The following PALLD variants were observed in gnomAD, a reference collection of about 807,000 sequenced individuals.
The protein encoded by PALLD is palladin.
In PALLD, 61 loss-of-function variants were observed where a neutral mutation model predicts 123.5. The observed-to-expected ratio is 0.49, with a 90% confidence interval of 0.40 to 0.61. PALLD has a LOEUF of 0.61. Among genes scored for constraint, PALLD ranks in the 20% least tolerant of loss-of-function variants. The pLI is 0.00. For missense variants in PALLD, 1,273 were observed against 1,377.0 expected (o/e 0.92, Z 1.20); for synonymous variants, 465 against 496.4 (o/e 0.94, Z 0.84).
intron 10 of PALLD, among the ~76,000 whole-genome samples, chr4:168,773,387 G>A (rs192197691): frequency 6.6e-6 from 1 of 152,276 alleles, no homozygotes; most frequent in East Asian, 1.9e-4. Context: ...CTACAAGCAG[G>A]TCTTTTTAAA....
intron 2 of PALLD, among the ~76,000 whole-genome samples, chr4:168,524,664 G>T (rs1225545973): frequency 6.6e-6 from 1 of 152,142 alleles, no homozygotes; most frequent in Non-Finnish European, 1.5e-5. Flanking sequence ...GAGTTTGGGT[G>T]AGTCCTCCTG....
intron 12 of PALLD, among the ~76,000 whole-genome samples, chr4:168,895,670 A>C (rs1560874629): frequency 6.6e-6 from 1 of 152,228 alleles, no homozygotes; most frequent in Non-Finnish European, 1.5e-5. Flanking sequence ...GAAGAGAAGA[A>C]GACAAGGGGT....
intron 8 of PALLD, among the ~76,000 whole-genome samples, chr4:168,706,962 TTATTTTATACTTA>T (rs1435382380): frequency 5.3e-5 from 8 of 152,228 alleles, no homozygotes; most frequent in Non-Finnish European, 1.2e-4. Context: ...CATTTACACT[TTATTTTATACTTA>T]GTGTTTAATT....
intron 10 of PALLD, among the ~76,000 whole-genome samples, chr4:168,714,539 C>T (rs984174844): frequency 6.6e-6 from 1 of 152,160 alleles, no homozygotes; most frequent in African/African-American, 2.4e-5. Context: ...GAAATTCTTA[C>T]ACATTCATTT....
intron 10 of PALLD, among the ~76,000 whole-genome samples, chr4:168,836,905 G>T (rs1745280418): frequency 1.3e-5 from 2 of 152,134 alleles, no homozygotes; most frequent in Admixed American, 6.5e-5. Context: ...TAGTACCATA[G>T]AACCAAACCA....
In PALLD at chr4:168,511,671, A is replaced by G. The variant is rs1762541875; in HGVS notation, c.167A>G (p.Glu56Gly). ...AGAGCCATAGCCGACTCCGAAACAGAAGATTTTGACTCGGAAAAGGAGATC... is the reference window on the plus strand; with the variant it reads ...AGAGCCATAGCCGACTCCGAAACAGGAGATTTTGACTCGGAAAAGGAGATC... ...ARRAIADSET[E>G]DFDSEKEISQ... Residue 56 changes from glutamate (E) to glycine (G), a missense_variant, in exon 2 of 22, where the codon GAA (glutamate) becomes GGA (glycine). Glu to Gly is a moderately conservative substitution (Grantham distance 98, BLOSUM62 -2). Transcript: ENST00000505667. 2 of 1,614,158 alleles carry G rather than the reference A, an allele frequency of 1.2e-6. No individual in the cohort carries two copies. The highest frequency in any genetic ancestry group is 2.7e-5 in the African/African-American group (2 of 75,040).
chr4:168,527,422 C>CAAAAAAAAAAAAAAAAAGAA (rs1764166125), intron 2 of PALLD, among the ~76,000 whole-genome samples: 1 of 52,916 alleles, frequency 1.9e-5, no homozygotes, highest in Non-Finnish European at 3.0e-5. Flanking sequence ...AACTCCATCT[C>CAAAAAAAAAAAAAAAAAGAA]AAAAAAAAAA....
At chr4:168,814,552 C>A (rs1283912433) in intron 10 of PALLD, among the ~76,000 whole-genome samples, 1 of 152,178 alleles carries the variant, frequency 6.6e-6, no homozygotes, top group Non-Finnish European at 1.5e-5. Flanking sequence ...GACGAAATTA[C>A]TTCCTCAAAA....
intron 8 of PALLD, among the ~76,000 whole-genome samples, chr4:168,706,079 A>G (rs1784202383): frequency 6.6e-6 from 1 of 152,304 alleles, no homozygotes; most frequent in Non-Finnish European, 1.5e-5. Flanking sequence ...TGTTAACTGT[A>G]TGCTTAATGT....
At chr4:168,519,916 C>A (rs1412733238) in intron 2 of PALLD, among the ~76,000 whole-genome samples, 1 of 144,592 alleles carries the variant, frequency 6.9e-6, no homozygotes, top group African/African-American at 2.6e-5. Flanking sequence ...TTTTTTTTTT[C>A]TGTGTATTTG....
At chr4:168,535,680 G>T (rs1159162425) in intron 2 of PALLD, among the ~76,000 whole-genome samples, 1 of 152,204 alleles carries the variant, frequency 6.6e-6, no homozygotes, top group Non-Finnish European at 1.5e-5. Context: ...TTAACACCTT[G>T]CAATACTGAA....
chr4:168,815,101 T>C (rs1476418445), intron 10 of PALLD, among the ~76,000 whole-genome samples: 3 of 152,212 alleles, frequency 2.0e-5, no homozygotes, highest in Non-Finnish European at 4.4e-5. Context: ...ACCTCTGCCA[T>C]TTTTCTTTTC....
At chr4:168,612,348 G>A (rs1773816264) in intron 2 of PALLD, among the ~76,000 whole-genome samples, 1 of 151,328 alleles carries the variant, frequency 6.6e-6, no homozygotes, top group Non-Finnish European at 1.5e-5. Context: ...TCCCCATGTG[G>A]TTCCACCCCC....
chr4:168,545,529 CA>C (rs5863940), intron 2 of PALLD, among the ~76,000 whole-genome samples: 23 of 146,196 alleles, frequency 1.6e-4, no homozygotes, highest in Admixed American at 2.0e-4. Flanking sequence ...AACTCTGTCT[CA>C]AAAAAAAAAA....
intron 8 of PALLD, among the ~76,000 whole-genome samples, chr4:168,707,045 C>G (rs1024296825): frequency 6.6e-6 from 1 of 152,150 alleles, no homozygotes; most frequent in Admixed American, 6.5e-5. Context: ...ATTTAAAGCT[C>G]TCTTCAATAG....
chr4:168,504,713 G>GC (rs1761824817), intron 1 of PALLD: 1 of 152,210 alleles, frequency 6.6e-6, no homozygotes, highest in Non-Finnish European at 1.5e-5. Context: ...GAAGACAGAA[G>GC]AATTTCTAGG....
At chr4:168,842,885 A>G (rs1033951197) in intron 10 of PALLD, among the ~76,000 whole-genome samples, 13 of 152,258 alleles carry the variant, frequency 8.5e-5, no homozygotes, top group African/African-American at 2.9e-4. Context: ...GCCACATTCT[A>G]GTTCAAATTA....
chr4:168,787,150 G>A (rs1371197248), intron 10 of PALLD, among the ~76,000 whole-genome samples: 3 of 152,120 alleles, frequency 2.0e-5, no homozygotes, highest in Non-Finnish European at 4.4e-5. Flanking sequence ...TCCCAAGTCA[G>A]GGAGTGAAAG....
chr4:168,852,602 C>T (rs1195337179), intron 10 of PALLD, among the ~76,000 whole-genome samples: 3 of 152,096 alleles, frequency 2.0e-5, no homozygotes, highest in African/African-American at 7.2e-5. Flanking sequence ...GACTATGCCA[C>T]TGCACACTCC....
Sources: gnomAD v4.1 joint callset for allele counts (sites outside exome capture counted in the v4.1 genomes callset) on GRCh38, gnomAD v4.1.1 for gene constraint, MANE v1.5 for transcripts, NCBI Gene and HGNC (gene_info 2026-07-23, HGNC 2026-07-21) for gene names.